RNF141: variants seen among roughly 807,000 people sequenced by gnomAD.
RNF141 encodes C3HC4-like zinc finger protein.
A neutral mutation model predicts 27.4 loss-of-function variants in RNF141; 18 were observed. The ratio of observed to expected loss-of-function variants is 0.66; its 90% CI spans 0.45 to 0.97. RNF141 has a LOEUF of 0.97. Ranked by LOEUF, RNF141 falls within the 50% of genes least tolerant of loss-of-function variation. The pLI is 0.00. For synonymous variants in RNF141, 97 were observed against 96.6 expected (o/e 1.00, Z -0.02); for missense variants, 230 against 279.4 (o/e 0.82, Z 1.26).
chr11:10,529,812 G>A lies in RNF141; in HGVS notation c.252+831C>T, dbSNP rs150719420. ...TATATTCCTAATGCCTCTCACACTT[G>A]TGCTCAAATGTTTATCTGAATAAAC... On this transcript the variant is annotated intron_variant, in intron 3 of 5. Coordinates refer to ENST00000265981, the MANE Select transcript of RNF141 (RefSeq NM_016422.4). Among the ~76,000 whole-genome samples, 711 of 152,220 alleles carry A rather than the reference G, an allele frequency of 4.7e-3. 2 individuals are homozygous for A. Among genetic ancestry groups the A allele is most frequent in the Non-Finnish European group, 8.1e-3 (554 of 68,020 alleles).
At chr11:10,524,891 C>A (rs1232976385) in intron 4 of RNF141, among the ~76,000 whole-genome samples, 2 of 152,086 alleles carry the variant, frequency 1.3e-5, no homozygotes, top group African/African-American at 4.8e-5. Flanking sequence ...ACCTAAATAC[C>A]TATTATAAGG....
intron 1 of RNF141, among the ~76,000 whole-genome samples, chr11:10,538,081 ATTGAG>A (rs1850053454): frequency 6.6e-6 from 1 of 152,218 alleles, no homozygotes. Context: ...TTGCTTATTT[ATTGAG>A]TTATTAATAG....
intron 2 of RNF141, among the ~76,000 whole-genome samples, chr11:10,531,568 T>C (rs1849987056): frequency 6.6e-6 from 1 of 152,172 alleles, no homozygotes; most frequent in Non-Finnish European, 1.5e-5. Flanking sequence ...TTGAGACACT[T>C]TATATATAGC....
rs774949862 is a variant in RNF141 at position 10,534,005 on chromosome 11, G to A, written c.143+11C>T. 3 of 1,609,622 alleles carry A rather than the reference G, an allele frequency of 1.9e-6. No individual in the cohort carries two copies. Among genetic ancestry groups the A allele is most frequent in the Non-Finnish European group, 2.5e-6 (3 of 1,178,336 alleles). ...AGGGGAAAAACGAAAAACAAAAAGA[G>A]CAAGCCTTACACATCATTAAGCTCA... On this transcript the variant is annotated intron_variant, in intron 2 of 5. Coordinates refer to ENST00000265981, the MANE Select transcript of RNF141 (RefSeq NM_016422.4).
intron 1 of RNF141, among the ~76,000 whole-genome samples, chr11:10,534,821 G>A (rs1167823058): frequency 1.3e-5 from 2 of 151,922 alleles, no homozygotes; most frequent in Non-Finnish European, 2.9e-5. Context: ...ATTTACATCA[G>A]CTAAATAATT....
At chr11:10,528,921 G>T (rs946122714) in intron 3 of RNF141, among the ~76,000 whole-genome samples, 1 of 152,190 alleles carries the variant, frequency 6.6e-6, no homozygotes, top group Non-Finnish European at 1.5e-5. Flanking sequence ...GTATTATAAA[G>T]TATAAATAAT....
At chr11:10,518,211 C>T (rs1849857855) in intron 5 of RNF141, 1 of 152,092 alleles carries the variant, frequency 6.6e-6, no homozygotes, top group Admixed American at 6.5e-5. Flanking sequence ...TAAACACACA[C>T]ATACCATATG....
Position 10,521,035 on chromosome 11 carries a change from C to T in RNF141, c.435-1894G>A, listed in dbSNP as rs923073082. Among the ~76,000 whole-genome samples, 2 of 152,166 alleles carry T rather than the reference C, an allele frequency of 1.3e-5. 1 individual carries two copies. Among genetic ancestry groups the T allele is most frequent in the Non-Finnish European group, 2.9e-5 (2 of 68,022 alleles). ...TAAGTATCAGGTGCTGTGAGAGATA[C>T]AAAGGGAATAAAAAGCAGTTTCTGT... is the stretch of plus-strand genomic sequence containing the variant. On this transcript the variant is annotated intron_variant, in intron 4 of 5. Transcript: ENST00000265981.
chr11:10,535,428 A>G (rs572636010), intron 1 of RNF141, among the ~76,000 whole-genome samples: 1 of 150,844 alleles, frequency 6.6e-6, no homozygotes, highest in East Asian at 1.9e-4. Flanking sequence ...CATTATAGAG[A>G]TAAATGAAAG....
intron 5 of RNF141, 164 bp downstream of exon 5, chr11:10,518,870 C>T (rs78222409): frequency 0.019 from 9,191 of 478,890 alleles, 136 homozygotes; most frequent in African/African-American, 0.059. Flanking sequence ...GGTGTAAAAA[C>T]AAAAATAGTT....
Position 10,530,770 on chromosome 11 carries a change from A to G in RNF141, c.144-19T>C, listed in dbSNP as rs1288713928. On this transcript the variant is annotated intron_variant, in intron 2 of 5. Transcript: ENST00000265981. ...AGCCGTTCTGAAAAGAGACAAGAAC[A>G]TGTTAATTTTATGAAAAATCATATA... is the stretch of plus-strand genomic sequence containing the variant. 2 of 1,487,066 alleles carry G rather than the reference A, an allele frequency of 1.3e-6. No individual in the cohort carries two copies. The highest frequency in any genetic ancestry group is 1.7e-4 in the Middle Eastern group (1 of 5,734). The allele number at this position is 1,487,066 out of a possible 1,614,324, so 92.1% of individuals were successfully genotyped here.
Position 10,512,753 on chromosome 11 carries a change from A to G in RNF141, c.*2163T>C, listed in dbSNP as rs896093886. 1.3e-5 allele frequency: 2 copies of G among 150,306 alleles called. No individual in the cohort carries two copies. Among genetic ancestry groups the G allele is most frequent in the African/African-American group, 4.9e-5 (2 of 41,026 alleles). The allele number at this position is 150,306 out of a possible 1,614,324, so 9.3% of individuals were successfully genotyped here. ...ACAGGGTTCTGCAAATTTGACTTGA[A>G]TTTAATTAAAAAATTTTTTTAAAAA... is the stretch of plus-strand genomic sequence containing the variant. On this transcript the variant is annotated 3_prime_UTR_variant, in exon 6 of 6. Coordinates refer to ENST00000265981, the MANE Select transcript of RNF141 (RefSeq NM_016422.4).
intron 4 of RNF141, among the ~76,000 whole-genome samples, chr11:10,519,384 A>G (rs1003682443): frequency 1.3e-5 from 2 of 149,738 alleles, no homozygotes; most frequent in Admixed American, 7.7e-5. Context: ...ATTTTGTGAT[A>G]AAGAAAACAT....
chr11:10,525,670 T>C (rs998947812), intron 3 of RNF141, among the ~76,000 whole-genome samples: 1 of 152,174 alleles, frequency 6.6e-6, no homozygotes, highest in Non-Finnish European at 1.5e-5. Flanking sequence ...AAGAAATAAA[T>C]TTTAGAGATC....
chr11:10,539,764 G>A (rs1321362263), intron 1 of RNF141, among the ~76,000 whole-genome samples: 1 of 125,332 alleles, frequency 8.0e-6, no homozygotes, highest in African/African-American at 3.0e-5. Context: ...TAAGAATATG[G>A]ATTTCTCACA....
chr11:10,515,082 A>G lies in RNF141; in HGVS notation c.543-16T>C. 1 of 1,591,848 alleles carries G rather than the reference A, an allele frequency of 6.3e-7. No individual in the cohort carries two copies. Among genetic ancestry groups the G allele is most frequent in the East Asian group, 2.3e-5 (1 of 44,192 alleles). ...TCGATCACTCCTATTAGAGAAGTCAAAACAAAACAGTTTGCTTTCTTCTTT... is the reference window on the plus strand; with the variant it reads ...TCGATCACTCCTATTAGAGAAGTCAGAACAAAACAGTTTGCTTTCTTCTTT... On this transcript the variant is annotated splice_polypyrimidine_tract_variant and intron_variant, in intron 5 of 5. Coordinates refer to ENST00000265981, the MANE Select transcript of RNF141 (RefSeq NM_016422.4).
At chr11:10,519,253 C>T (rs1048321948) in intron 4 of RNF141, 112 bp from the exon 5 acceptor site, 14 of 726,488 alleles carry the variant, frequency 1.9e-5, no homozygotes, top group South Asian at 1.6e-4. Flanking sequence ...GTATAAAGCA[C>T]AATATGACTC....
At chr11:10,521,509 C>A (rs1849887503) in intron 4 of RNF141, among the ~76,000 whole-genome samples, 1 of 152,210 alleles carries the variant, frequency 6.6e-6, no homozygotes, top group South Asian at 2.1e-4. Context: ...CTATAAACTT[C>A]TTAAGGATAG....
chr11:10,513,561 G>T lies in RNF141; in HGVS notation c.*1355C>A, dbSNP rs1849819607. ...ATTCCATTATTACTATATTGTTTCA[G>T]AATATTTTAATGGAAAGAGTATTTC... On this transcript the variant is annotated 3_prime_UTR_variant, in exon 6 of 6. Coordinates refer to ENST00000265981, the MANE Select transcript of RNF141 (RefSeq NM_016422.4). The T allele has an allele frequency of 6.6e-6, 1 of 152,112 alleles. No individual in the cohort carries two copies. The highest frequency in any genetic ancestry group is 2.1e-4 in the South Asian group (1 of 4,832). The allele number at this position is 152,112 out of a possible 1,614,324, so 9.4% of individuals were successfully genotyped here. A position where few individuals can be genotyped will look rare whatever the true frequency, so the allele number is the denominator to read the frequency against.
Sources: allele counts gnomAD v4.1 joint callset (sites outside exome capture counted in the v4.1 genomes callset), GRCh38; gene constraint gnomAD v4.1.1; transcripts MANE v1.5; gene names NCBI Gene and HGNC (gene_info 2026-07-23, HGNC 2026-07-21).